MGMT: variants seen among roughly 807,000 people sequenced by gnomAD.
MGMT encodes the protein methylated-DNA--protein-cysteine methyltransferase.
A neutral mutation model predicts 15.9 loss-of-function variants in MGMT; 14 were observed. That is an observed-to-expected ratio of 0.88 (90% CI 0.58 to 1.37). The LOEUF is 1.37. Among genes scored for constraint, MGMT ranks in the 40% most tolerant of loss-of-function variants. The pLI is 0.00. For synonymous variants in MGMT, 130 were observed against 118.2 expected, an observed-to-expected ratio of 1.10 and a Z score of -0.65; for missense variants, 282 against 268.1, an observed-to-expected ratio of 1.05 and a Z score of -0.36.
At chr10:129,702,699 C>A (rs965940080) in intron 2 of MGMT, among the ~76,000 whole-genome samples, 5 of 152,158 alleles carry the variant, frequency 3.3e-5, no homozygotes, top group African/African-American at 1.2e-4. Context: ...TGGCAGCCCC[C>A]GGAGCTGCAG....
chr10:129,613,808 C>T (rs1278891406), intron 2 of MGMT, among the ~76,000 whole-genome samples: 2 of 152,164 alleles, frequency 1.3e-5, no homozygotes, highest in Non-Finnish European at 2.9e-5. Context: ...TCAGTGCAAG[C>T]GCAGGTCTGC....
At position 129,665,511 on chromosome 10, in the gene MGMT, G is replaced by A. The variant is rs549761917; in HGVS notation, c.126-42384G>A. On this transcript the variant is annotated intron_variant, in intron 2 of 4. Transcript: ENST00000651593. ...CTCAAGGCATTATGCATTTGATAGTGGAAGAAGCCAGACACTGAGATGACA... is the reference window on the plus strand; with the variant it reads ...CTCAAGGCATTATGCATTTGATAGTAGAAGAAGCCAGACACTGAGATGACA... Among the ~76,000 whole-genome samples, 4 of 152,126 alleles carry A rather than the reference G, an allele frequency of 2.6e-5. No individual in the cohort carries two copies. The South Asian group carries it at 8.3e-4, about 32-fold the overall frequency.
At chr10:129,739,683 A>G (rs1564780765) in intron 3 of MGMT, among the ~76,000 whole-genome samples, 2 of 152,082 alleles carry the variant, frequency 1.3e-5, no homozygotes, top group South Asian at 4.1e-4. Context: ...AGCTTGTCCA[A>G]TCCTCAGCCT....
chr10:129,711,181 A>G (rs574544611), intron 3 of MGMT, among the ~76,000 whole-genome samples: 4 of 152,318 alleles, frequency 2.6e-5, no homozygotes, highest in Non-Finnish European at 5.9e-5. Context: ...CTCACCTTCC[A>G]GGATTCCTCT....
chr10:129,527,389 G>A (rs756625154), intron 1 of MGMT, among the ~76,000 whole-genome samples: 16 of 152,204 alleles, frequency 1.1e-4, no homozygotes, highest in African/African-American at 3.6e-4. Flanking sequence ...TGAGGCTGGC[G>A]TGTTTGAGTT....
chr10:129,602,034 C>T (rs192090883), intron 2 of MGMT, among the ~76,000 whole-genome samples: 2 of 152,130 alleles, frequency 1.3e-5, no homozygotes, highest in Admixed American at 6.5e-5. Context: ...TCACATCATG[C>T]GAAAAGTTAA....
At chr10:129,527,345 TG>T in intron 1 of MGMT, among the ~76,000 whole-genome samples, 1 of 152,290 alleles carries the variant, frequency 6.6e-6, no homozygotes, top group East Asian at 1.9e-4. Flanking sequence ...CCTAAACATT[TG>T]GGTCTTCCAC....
chr10:129,617,016 A>G (rs1372272367), intron 2 of MGMT, among the ~76,000 whole-genome samples: 1 of 152,198 alleles, frequency 6.6e-6, no homozygotes, highest in Non-Finnish European at 1.5e-5. Flanking sequence ...TGTTTGTTGT[A>G]TAGGTAACTT....
At position 129,678,808 on chromosome 10, in the gene MGMT, A is replaced by G. The variant is rs182126380; in HGVS notation, c.126-29087A>G. On this transcript the variant is annotated intron_variant, in intron 2 of 4. Coordinates refer to ENST00000651593, the MANE Select transcript of MGMT (RefSeq NM_002412.5). ...TAGGAAGAGCCGGGCATGGTGGCTC[A>G]TGCCTGTGGTCCCAGCACTTTGGGA... Among the ~76,000 whole-genome samples the G allele has an allele frequency of 6.6e-5, 10 of 152,306 alleles. No homozygotes were observed. In the East Asian group the frequency reaches 1.9e-3, roughly 29 times the overall value.
At chr10:129,642,983 G>C (rs539326836) in intron 2 of MGMT, among the ~76,000 whole-genome samples, 1 of 152,194 alleles carries the variant, frequency 6.6e-6, no homozygotes, top group African/African-American at 2.4e-5. Flanking sequence ...GGAAGCATAG[G>C]TGATGCACCT....
intron 3 of MGMT, among the ~76,000 whole-genome samples, chr10:129,714,160 T>G (rs557350883): frequency 1.3e-5 from 2 of 152,370 alleles, no homozygotes; most frequent in East Asian, 1.9e-4. Context: ...GGGCTTTGCC[T>G]GCACGGGCTG....
chr10:129,655,602 A>G (rs1589918341), intron 2 of MGMT, among the ~76,000 whole-genome samples: 4 of 152,146 alleles, frequency 2.6e-5, no homozygotes, highest in Admixed American at 2.6e-4. Flanking sequence ...CGGCTGAGGG[A>G]CTGGCATAAA....
chr10:129,603,170 C>T (rs558800353), intron 2 of MGMT, among the ~76,000 whole-genome samples: 14 of 152,288 alleles, frequency 9.2e-5, no homozygotes, highest in Non-Finnish European at 1.8e-4. Flanking sequence ...CCAAAATAAT[C>T]GTTAATTTTT....
At chr10:129,593,614 A>G (rs935208055) in intron 2 of MGMT, among the ~76,000 whole-genome samples, 11 of 152,240 alleles carry the variant, frequency 7.2e-5, no homozygotes, top group African/African-American at 2.7e-4. Context: ...CAGAAATTTC[A>G]GTCTCACTGT....
chr10:129,486,169 T>C (rs1182880849), intron 1 of MGMT, among the ~76,000 whole-genome samples: 1 of 135,668 alleles, frequency 7.4e-6, no homozygotes, highest in Non-Finnish European at 1.5e-5. Flanking sequence ...TCTGTTCTCT[T>C]CTCTTCTCTT....
intron 2 of MGMT, among the ~76,000 whole-genome samples, chr10:129,608,320 G>A (rs940211853): frequency 8.5e-5 from 13 of 152,256 alleles, no homozygotes; most frequent in African/African-American, 2.4e-4. Context: ...GTTAGTCATC[G>A]AGTTAGATTA....
At chr10:129,748,147 T>C (rs1219793808) in intron 3 of MGMT, among the ~76,000 whole-genome samples, 1 of 152,202 alleles carries the variant, frequency 6.6e-6, no homozygotes. Context: ...GGAGTTACGC[T>C]CCTTGAAGAC....
chr10:129,678,619 T>C (rs1847812718), intron 2 of MGMT, among the ~76,000 whole-genome samples: 1 of 151,132 alleles, frequency 6.6e-6, no homozygotes, highest in South Asian at 2.1e-4. Context: ...CTGTAAGTTA[T>C]TTATCTTGAA....
intron 2 of MGMT, among the ~76,000 whole-genome samples, chr10:129,705,200 C>T (rs1848146457): frequency 2.6e-5 from 4 of 152,218 alleles, no homozygotes; most frequent in Admixed American, 2.6e-4. Flanking sequence ...ATGGAAACGC[C>T]ACCATAGGCA....
Sources: allele counts gnomAD v4.1 joint callset (sites outside exome capture counted in the v4.1 genomes callset), GRCh38; gene constraint gnomAD v4.1.1; transcripts MANE v1.5; gene names NCBI Gene and HGNC (gene_info 2026-07-23, HGNC 2026-07-21).